OR10J1: variants seen among roughly 807,000 people sequenced by gnomAD.
The protein encoded by OR10J1 is olfactory receptor 10J1.
For synonymous variants in OR10J1, 202 were observed against 143.8 expected (o/e 1.40, Z -2.89); for missense variants, 474 against 376.6 (o/e 1.26, Z -2.14).
chr1:159,436,236 T>C (rs1274666934), upstream of OR10J1, among the ~76,000 whole-genome samples: 1 of 152,110 alleles, frequency 6.6e-6, no homozygotes, highest in East Asian at 1.9e-4. Context: ...TATCTGATCA[T>C]GAACCATTAA....
At chr1:159,414,541 G>T in the OR10J1 span, among the ~76,000 whole-genome samples, 1 of 152,054 alleles carries the variant, frequency 6.6e-6, no homozygotes, top group Non-Finnish European at 1.5e-5. Context: ...GAAGAGTGTT[G>T]CAATAAACAT....
At chr1:159,404,951 T>G in the OR10J1 span, among the ~76,000 whole-genome samples, 1 of 152,116 alleles carries the variant, frequency 6.6e-6, no homozygotes, top group African/African-American at 2.4e-5. Context: ...TTGTTTTCAG[T>G]GTGATAAACG....
Position 159,440,762 on chromosome 1 carries a change from C to G in OR10J1, c.*41C>G, listed in dbSNP as rs746815239. The G allele has an allele frequency of 3.8e-6, 6 of 1,577,710 alleles. No individual in the cohort carries two copies. Among genetic ancestry groups the G allele is most frequent in the African/African-American group, 1.3e-5 (1 of 74,310 alleles). On this transcript the variant is annotated 3_prime_UTR_variant, in exon 1 of 1. Coordinates refer to ENST00000423932, the MANE Select transcript of OR10J1 (RefSeq NM_012351.3). ...TCTCCTGAGGCTGTCAACATCCACA[C>G]TAGGCAGGAATATGAGGTGTAAACT... is the stretch of plus-strand genomic sequence containing the variant.
chr1:159,421,382 T>C, the OR10J1 span, among the ~76,000 whole-genome samples: 1 of 152,300 alleles, frequency 6.6e-6, no homozygotes, highest in South Asian at 2.1e-4. Flanking sequence ...AAATTCTTTT[T>C]TGGGGATTTG....
chr1:159,406,501 G>A, the OR10J1 span: 3 of 236,100 alleles, frequency 1.3e-5, no homozygotes, highest in Non-Finnish European at 2.5e-5. Context: ...AGGCACAGGG[G>A]TTATCTTTGT....
the OR10J1 span, among the ~76,000 whole-genome samples, chr1:159,422,616 G>A: frequency 6.6e-6 from 1 of 152,164 alleles, no homozygotes; most frequent in Non-Finnish European, 1.5e-5. Context: ...CCTAGGGCAG[G>A]ACAGAGACTG....
At chr1:159,412,418 G>A in the OR10J1 span, among the ~76,000 whole-genome samples, 23 of 148,372 alleles carry the variant, frequency 1.6e-4, no homozygotes, top group South Asian at 6.4e-4. Context: ...GAGGCATCAC[G>A]CTACCTGACT....
the OR10J1 span, among the ~76,000 whole-genome samples, chr1:159,419,860 C>A: frequency 6.6e-6 from 1 of 152,120 alleles, no homozygotes; most frequent in East Asian, 1.9e-4. Context: ...AAATATGCAA[C>A]TTAAATTCAT....
the OR10J1 span, among the ~76,000 whole-genome samples, chr1:159,403,911 C>A: frequency 6.6e-6 from 1 of 152,144 alleles, no homozygotes; most frequent in South Asian, 2.1e-4. Flanking sequence ...TACATATACA[C>A]AATGTAGTAA....
upstream of OR10J1, among the ~76,000 whole-genome samples, chr1:159,437,449 G>T (rs1443158559): frequency 6.6e-6 from 1 of 151,480 alleles, no homozygotes; most frequent in African/African-American, 2.4e-5. Flanking sequence ...GAGCTGCCTA[G>T]ATTTTTCAAT....
the OR10J1 span, chr1:159,406,479 A>C: frequency 3.8e-6 from 1 of 263,048 alleles, no homozygotes; most frequent in African/African-American, 2.3e-5. Flanking sequence ...TGGATTCCTT[A>C]GATAATGTTC....
chr1:159,413,035 A>G, the OR10J1 span, among the ~76,000 whole-genome samples: 1 of 152,214 alleles, frequency 6.6e-6, no homozygotes, highest in Non-Finnish European at 1.5e-5. Context: ...AAGGACGTGA[A>G]CAGACACTTC....
the OR10J1 span, among the ~76,000 whole-genome samples, chr1:159,415,184 A>G: frequency 6.6e-6 from 1 of 152,090 alleles, no homozygotes; most frequent in African/African-American, 2.4e-5. Context: ...GTTTTCTTCT[A>G]GTTATTTCAT....
At chr1:159,435,901 A>G (rs12732651), upstream of OR10J1, among the ~76,000 whole-genome samples, 1,988 of 152,292 alleles carry the variant, frequency 0.013, 35 homozygotes, top group Non-Finnish European at 0.018. Context: ...TTCTTCTAGC[A>G]TAAAATCCCA....
At chr1:159,422,013 G>A in the OR10J1 span, among the ~76,000 whole-genome samples, 467 of 152,228 alleles carry the variant, frequency 3.1e-3, no homozygotes, top group Non-Finnish European at 4.9e-3. Flanking sequence ...GGTGATGTTG[G>A]CAGTTGCTGC....
chr1:159,411,245 G>C, the OR10J1 span, among the ~76,000 whole-genome samples: 1 of 152,120 alleles, frequency 6.6e-6, no homozygotes, highest in African/African-American at 2.4e-5. Flanking sequence ...TCAATTCCTG[G>C]GTATCCTTGT....
chr1:159,405,547 A>T, the OR10J1 span: 4 of 342,388 alleles, frequency 1.2e-5, no homozygotes, highest in South Asian at 9.7e-5. Context: ...GGTGTAGGTC[A>T]CTGAGATGAG....
the OR10J1 span, among the ~76,000 whole-genome samples, chr1:159,400,836 T>C: frequency 2.6e-5 from 4 of 151,898 alleles, no homozygotes; most frequent in South Asian, 4.1e-4. Context: ...CCTCAGCACA[T>C]GGATCATTCT....
Position 159,440,525 on chromosome 1 carries a change from C to T in OR10J1, c.734C>T (p.Thr245Ile). ...TTTGCCACCTGTGCATCCCACCTCACTGTGGTCATTGTCCACTACAGCTGT... is the reference window on the plus strand; with the variant it reads ...TTTGCCACCTGTGCATCCCACCTCATTGTGGTCATTGTCCACTACAGCTGT... Reference protein sequence around the residue: ...KAFATCASHLTVVIVHYSCAS... With the variant: ...KAFATCASHLIVVIVHYSCAS... Residue 245 changes from threonine (T) to isoleucine (I), a missense_variant, in exon 1 of 1, where the codon ACT (threonine) becomes ATT (isoleucine). Coordinates refer to ENST00000423932, the MANE Select transcript of OR10J1 (RefSeq NM_012351.3). The T allele has an allele frequency of 6.2e-7, 1 of 1,614,124 alleles. No homozygotes were observed. Among genetic ancestry groups the T allele is most frequent in the Non-Finnish European group, 8.5e-7 (1 of 1,180,010 alleles).
Sources: gnomAD v4.1 joint callset for allele counts (sites outside exome capture counted in the v4.1 genomes callset) on GRCh38, gnomAD v4.1.1 for gene constraint, MANE v1.5 for transcripts, NCBI Gene and HGNC (gene_info 2026-07-23, HGNC 2026-07-21) for gene names.